Variants in YDJC observed in about 807,000 individuals in gnomAD.
YDJC encodes YdjC chitooligosaccharide deacetylase homolog.
Under a neutral mutation model 18.9 loss-of-function variants are expected in YDJC, and 23 were observed. The observed-to-expected ratio is 1.22, with a 90% CI of 0.87 to 1.72. The LOEUF (loss-of-function observed/expected upper bound fraction) is 1.72, where lower values mean the gene tolerates loss of function less well. Ranked by LOEUF, YDJC falls within the 40% of genes most tolerant of loss-of-function variation. The probability of loss-of-function intolerance (pLI) is 0.00; values close to 1 mark genes in which losing one functional copy is unlikely to be tolerated. For missense variants in YDJC, 467 were observed against 470.8 expected (o/e 0.99, Z 0.07); for synonymous variants, 224 against 217.6 (o/e 1.03, Z -0.26).
In YDJC at chr22:21,629,205, C is replaced by G; in HGVS notation, c.425-18G>C. On this transcript the variant is annotated intron_variant, in intron 3 of 4. Coordinates refer to ENST00000292778, the MANE Select transcript of YDJC (RefSeq NM_001017964.2). ...GCACACGCCTGCGGGCGGAGCGGGT[C>G]AGGGAGGAGCACGTCCTTTCACCTG... is the stretch of plus-strand genomic sequence containing the variant. 1 of 1,545,962 alleles carries G rather than the reference C, an allele frequency of 6.5e-7. No individual in the cohort carries two copies. Among genetic ancestry groups the G allele is most frequent in the East Asian group, 2.4e-5 (1 of 40,828 alleles).
intron 2 of YDJC, 40 bp from the exon 3 acceptor site, chr22:21,629,447 A>G: frequency 6.5e-7 from 1 of 1,537,746 alleles, no homozygotes; most frequent in Non-Finnish European, 8.8e-7. Context: ...GACCGGGAGT[A>G]GCTGCCGAGG....
intron 4 of YDJC, 60 bp downstream of exon 4, chr22:21,628,950 G>A: frequency 7.0e-7 from 1 of 1,434,326 alleles, no homozygotes; most frequent in Non-Finnish European, 9.1e-7. Context: ...CTAGCCAGGT[G>A]AACAGCCAGT....
Position 21,628,621 on chromosome 22 carries a change from A to G in YDJC, c.769T>C (p.Cys257Arg). The G allele has an allele frequency of 6.3e-7, 1 of 1,592,288 alleles. No individual in the cohort carries two copies. Among genetic ancestry groups the G allele is most frequent in the Non-Finnish European group, 8.5e-7 (1 of 1,170,254 alleles). ...GAGAAAGCGTCGGGGCCTTCACCGCAGCCGCCGGTGGGAGGCACACTGGGG... is the reference window on the plus strand; with the variant it reads ...GAGAAAGCGTCGGGGCCTTCACCGCGGCCGCCGGTGGGAGGCACACTGGGG... ...GYPSVPPTGG[C>R]GEGPDAFSCS... The change falls in exon 5 of 5, where the codon TGC (cysteine) becomes CGC (arginine). Residue 257 changes from cysteine (C) to arginine (R), a missense_variant. Transcript: ENST00000292778.
At chr22:21,629,431 T>C in intron 2 of YDJC, 24 bp from the exon 3 acceptor site, 1 of 1,542,366 alleles carries the variant, frequency 6.5e-7, no homozygotes, top group Non-Finnish European at 8.7e-7. Context: ...GAGAGACACC[T>C]TGAGCGACCG....
In YDJC at chr22:21,628,756, A is replaced by G; in HGVS notation, c.634T>C (p.Cys212Arg). 2 of 1,505,234 alleles carry G rather than the reference A, an allele frequency of 1.3e-6. No homozygotes were observed. The highest frequency in any genetic ancestry group is 1.8e-6 in the Non-Finnish European group (2 of 1,124,790). The allele number at this position is 1,505,234 out of a possible 1,614,324, so 93.2% of individuals were successfully genotyped here. A position where few individuals can be genotyped will look rare whatever the true frequency, so the allele number is the denominator to read the frequency against. The change falls in exon 5 of 5, where the codon TGC becomes CGC. Residue 212 changes from cysteine (C) to arginine (R), a missense_variant. Cys to Arg is a radical substitution (Grantham distance 180, BLOSUM62 -3). Transcript: ENST00000292778. ...WTDAFVGLST[C>R]GRHMSAHRVS... ...CGGTGAGCGGACATGTGCCGGCCGCAAGTGCTCAGGCCCACGAAGGCGTCT... is the reference window on the plus strand; with the variant it reads ...CGGTGAGCGGACATGTGCCGGCCGCGAGTGCTCAGGCCCACGAAGGCGTCT...
chr22:21,629,470 T>G, intron 2 of YDJC, 63 bp from the exon 3 acceptor site: 2 of 1,537,162 alleles, frequency 1.3e-6, no homozygotes, highest in Non-Finnish European at 1.8e-6. Context: ...ACCCTCCTCG[T>G]GCTTCCGTGT....
chr22:21,629,103 C>T lies in YDJC; in HGVS notation c.509G>A (p.Cys170Tyr). The T allele has an allele frequency of 7.2e-6, 11 of 1,537,106 alleles. No homozygotes were observed. Among genetic ancestry groups the T allele is most frequent in the Non-Finnish European group, 9.6e-6 (11 of 1,146,192 alleles). Reference protein sequence around the residue: ...RLPLERGVGGCTWLEAPARAF... With the variant: ...RLPLERGVGGYTWLEAPARAF... ...ACGCGCGGGGGCCTCCAGCCAAGTGCAGCCACCCACACCGCGCTCCAGCGG... is the reference window on the plus strand; with the variant it reads ...ACGCGCGGGGGCCTCCAGCCAAGTGTAGCCACCCACACCGCGCTCCAGCGG... The change falls in exon 4 of 5, where the codon TGC becomes TAC. Residue 170 changes from cysteine to tyrosine, a missense_variant. Coordinates refer to ENST00000292778, the MANE Select transcript of YDJC (RefSeq NM_001017964.2).
rs2148459236 is a variant in YDJC, at chr22:21,629,914, A to C, written c.101T>G (p.Val34Gly). The C allele has an allele frequency of 4.4e-6, 7 of 1,600,352 alleles. No homozygotes were observed. The highest frequency in any genetic ancestry group is 5.9e-6 in the Non-Finnish European group (7 of 1,176,964). Residue 34 changes from valine to glycine, a missense_variant, in exon 1 of 5, where the codon GTG becomes GGG. Transcript: ENST00000292778. Reference protein sequence around the residue: ...GIVEAFLAGAVTSVSLLVNGA... With the variant: ...GIVEAFLAGAGTSVSLLVNGA... Reference sequence around the variant, plus strand: ...GTTGACCAGCAGGGACACGCTGGTCACAGCCCCGGCCAGAAAGGCCTCCAC... The same window carrying C: ...GTTGACCAGCAGGGACACGCTGGTCCCAGCCCCGGCCAGAAAGGCCTCCAC...
rs1930352502 is a variant in YDJC at position 21,628,793 on chromosome 22, G to GGGGGCGGGACATCAGAGGTGGGACC, written c.603-31_603-7dup. 6.8e-7 allele frequency: 1 copy of GGGGGCGGGACATCAGAGGTGGGACC among 1,472,016 alleles called. No individual in the cohort carries two copies. Among genetic ancestry groups the GGGGGCGGGACATCAGAGGTGGGACC allele is most frequent in the African/African-American group, 1.4e-5 (1 of 71,454 alleles). 91.2% of individuals were successfully genotyped at this position (1,472,016 alleles called of 1,614,324 possible). A position where few individuals can be genotyped will look rare whatever the true frequency, so the allele number is the denominator to read the frequency against. ...CCACGAAGGCGTCTGTCCACCTGTG[G>GGGGGCGGGACATCAGAGGTGGGACC]GGGGCGGGACATCAGAGGTGGGACC... On this transcript the variant is annotated splice_region_variant and splice_polypyrimidine_tract_variant and intron_variant, in intron 4 of 4. Coordinates refer to ENST00000292778, the MANE Select transcript of YDJC (RefSeq NM_001017964.2).
In YDJC at chr22:21,629,633, G is replaced by T. The variant is rs751410015; in HGVS notation, c.293C>A (p.Ala98Glu). 2 of 1,612,508 alleles carry T rather than the reference G, an allele frequency of 1.2e-6. No individual in the cohort carries two copies. The highest frequency in any genetic ancestry group is 1.7e-6 in the Non-Finnish European group (2 of 1,179,908). The change falls in exon 2 of 5, where the codon GCG becomes GAG. Residue 98 changes from alanine to glutamate, a missense_variant. Physicochemically the swap from Ala to Glu is moderately radical, Grantham distance 107. Transcript: ENST00000292778. ...CAAATCCACGTCTCCGGCCGCCACC[G>T]CCTCCCGGAATCCCATCTTGCCAAG... ...FFLGKMGFRE[A>E]VAAGDVDLPQ...
Position 21,630,006 on chromosome 22 carries a change from G to A in YDJC, c.9C>T (p.Arg3=), listed in dbSNP as rs1373730270. The change falls in exon 1 of 5, where the codon CGC becomes CGT. Residue 3 remains arginine (R), a synonymous_variant. Transcript: ENST00000292778. MS[R]PRMRLVVTAD... ...CGGTGACCACCAGGCGCATGCGAGG[G>A]CGGGACATGGCCGCCTGGGTCCACC... 5.0e-6 allele frequency: 8 copies of A among 1,595,264 alleles called. No individual in the cohort carries two copies. The highest frequency in any genetic ancestry group is 6.8e-6 in the Non-Finnish European group (8 of 1,175,648).
Position 21,628,805 on chromosome 22 carries a change from T to C in YDJC, c.603-18A>G. 3 of 1,431,588 alleles carry C rather than the reference T, an allele frequency of 2.1e-6. No homozygotes were observed. The highest frequency in any genetic ancestry group is 2.8e-6 in the Non-Finnish European group (3 of 1,088,164). 88.7% of individuals were successfully genotyped at this position (1,431,588 alleles called of 1,614,324 possible). On this transcript the variant is annotated intron_variant, in intron 4 of 4. Coordinates refer to ENST00000292778, the MANE Select transcript of YDJC (RefSeq NM_001017964.2). Reference sequence around the variant, plus strand: ...CTGTCCACCTGTGGGGGGCGGGACATCAGAGGTGGGACCAGGCCGGGCCAT... The same window carrying C: ...CTGTCCACCTGTGGGGGGCGGGACACCAGAGGTGGGACCAGGCCGGGCCAT...
chr22:21,629,221 C>G (rs1269111660), intron 3 of YDJC, 34 bp from the exon 4 acceptor site: 1 of 1,548,304 alleles, frequency 6.5e-7, no homozygotes, highest in South Asian at 1.2e-5. Context: ...GGAGCACGTC[C>G]TTTCACCTGG....
chr22:21,629,246 C>T (rs770512521), intron 3 of YDJC, 59 bp from the exon 4 acceptor site: 186 of 1,549,738 alleles, frequency 1.2e-4, no homozygotes, highest in Middle Eastern at 1.7e-4. Context: ...ATCGAACTTC[C>T]CCTACTCCCC....
In YDJC at chr22:21,628,565, G is replaced by A. The variant is rs778765094; in HGVS notation, c.825C>T (p.Arg275=). 3.1e-6 allele frequency: 5 copies of A among 1,610,068 alleles called. No homozygotes were observed. The highest frequency in any genetic ancestry group is 4.5e-5 in the East Asian group (2 of 44,788). The change falls in exon 5 of 5, where the codon CGC becomes CGT. Residue 275 remains arginine (R), a synonymous_variant. Coordinates refer to ENST00000292778, the MANE Select transcript of YDJC (RefSeq NM_001017964.2). ...CCCGCAGCGTGGGCGCGGTGAGGAC[G>A]CGCAGCTCATGCAGCCGCTCCCAAG... ...SCSWERLHEL[R]VLTAPTLRAQ...
chr22:21,629,248 C>T (rs1023061691), intron 3 of YDJC, 60 bp downstream of exon 3: 15 of 1,549,814 alleles, frequency 9.7e-6, no homozygotes, highest in Non-Finnish European at 1.2e-5. Flanking sequence ...CGAACTTCCC[C>T]TACTCCCCCA....
rs771662702 is a variant in YDJC at position 21,630,015 on chromosome 22, G to C, written c.-1C>G. ...CCAGGCGCATGCGAGGGCGGGACAT[G>C]GCCGCCTGGGTCCACCGCTCGCGCT... On this transcript the variant is annotated 5_prime_UTR_variant, in exon 1 of 5. Transcript: ENST00000292778. 5.7e-6 allele frequency: 9 copies of C among 1,592,092 alleles called. No individual in the cohort carries two copies. The highest frequency in any genetic ancestry group is 6.8e-6 in the Non-Finnish European group (8 of 1,174,698).
intron 4 of YDJC, 34 bp downstream of exon 4, chr22:21,628,976 C>T: frequency 6.9e-7 from 1 of 1,445,940 alleles, no homozygotes; most frequent in Non-Finnish European, 9.0e-7. Flanking sequence ...GGGACAGAGG[C>T]AGCTATGGTA....
At position 21,628,273 on chromosome 22, in the gene YDJC, G is replaced by C. The variant is rs971227325; in HGVS notation, c.*145C>G. 1.7e-6 allele frequency: 2 copies of C among 1,162,972 alleles called. No homozygotes were observed. Among genetic ancestry groups the C allele is most frequent in the Non-Finnish European group, 2.3e-6 (2 of 866,984 alleles). The allele number at this position is 1,162,972 out of a possible 1,614,324, so 72.0% of individuals were successfully genotyped here. A position where few individuals can be genotyped will look rare whatever the true frequency, so the allele number is the denominator to read the frequency against. ...CTCTAGATGCCATTTGGAGGCATGA[G>C]GACCTGAGCCCAGAGGTGGCAGTGT... On this transcript the variant is annotated 3_prime_UTR_variant, in exon 5 of 5. Transcript: ENST00000292778.
Sources: gnomAD v4.1 joint callset for allele counts on GRCh38, gnomAD v4.1.1 for gene constraint, MANE v1.5 for transcripts, NCBI Gene and HGNC (gene_info 2026-07-23, HGNC 2026-07-21) for gene names.